Variants in NRG2 observed in about 807,000 individuals in gnomAD.
NRG2 encodes pro-neuregulin-2, membrane-bound isoform.
In NRG2, 27 loss-of-function variants were observed where a neutral mutation model predicts 73.9. That is an observed-to-expected ratio of 0.37 (90% CI 0.27 to 0.50). The LOEUF (loss-of-function observed/expected upper bound fraction) is 0.50. NRG2 is among the 20% of genes least tolerant of loss of function. The pLI is 0.96. For missense variants in NRG2, 1,126 were observed against 1,210.1 expected (o/e 0.93, Z 1.03); for synonymous variants, 532 against 541.0 (o/e 0.98, Z 0.23).
At chr5:139,948,665 G>C (rs1244089996) in intron 1 of NRG2, among the ~76,000 whole-genome samples, 1 of 152,204 alleles carries the variant, frequency 6.6e-6, no homozygotes, top group Non-Finnish European at 1.5e-5. Context: ...GGAAGTTGTT[G>C]AATGGTTTTA....
chr5:139,957,700 A>G (rs1325838956), intron 1 of NRG2, among the ~76,000 whole-genome samples: 1 of 152,214 alleles, frequency 6.6e-6, no homozygotes, highest in Admixed American at 6.5e-5. Context: ...ACGTGCAGGT[A>G]TCAGATCGAG....
intron 1 of NRG2, among the ~76,000 whole-genome samples, chr5:139,940,522 T>G (rs1303697939): frequency 6.6e-6 from 1 of 152,194 alleles, no homozygotes. Context: ...TTAAAATTGG[T>G]GAAATTTATT....
rs1762421183 is a variant in NRG2 at position 139,865,422 on chromosome 5, G to C, written c.1189+127C>G. 1 of 771,994 alleles carries C rather than the reference G, an allele frequency of 1.3e-6. No individual in the cohort carries two copies. Among genetic ancestry groups the C allele is most frequent in the Non-Finnish European group, 2.2e-6 (1 of 456,392 alleles). 47.8% of individuals were successfully genotyped at this position (771,994 alleles called of 1,614,324 possible). A position where few individuals can be genotyped will look rare whatever the true frequency, so the allele number is the denominator to read the frequency against. On this transcript the variant is annotated intron_variant, in intron 5 of 9. Coordinates refer to ENST00000361474, the MANE Select transcript of NRG2 (RefSeq NM_004883.3). The surrounding 1 kb of genome is among the most constrained non-coding windows in gnomAD (Gnocchi z 5.2). Reference sequence around the variant, plus strand: ...ACAAACCAAAATACAAAAAAGAAAAGAGAAACAAAACAAAACAGCCAAAGA... The same window carrying C: ...ACAAACCAAAATACAAAAAAGAAAACAGAAACAAAACAAAACAGCCAAAGA...
intron 1 of NRG2, among the ~76,000 whole-genome samples, chr5:139,984,571 T>A (rs1261355265): frequency 6.6e-6 from 1 of 152,192 alleles, no homozygotes; most frequent in Non-Finnish European, 1.5e-5. Flanking sequence ...TGCAAATAAT[T>A]CTTCCTTTTT....
intron 9 of NRG2, 78 bp from the exon 10 acceptor site, chr5:139,848,775 G>GGGGGGGGGGGTT: frequency 1.7e-6 from 1 of 601,720 alleles, no homozygotes; most frequent in Non-Finnish European, 2.4e-6. Context: ...GTGGGGTAGG[G>GGGGGGGGGGGTT]TGGGAGGGGC....
Position 139,848,229 on chromosome 5 carries a change from G to A in NRG2, c.2241C>T (p.Arg747=). 8.5e-7 allele frequency: 1 copy of A among 1,170,978 alleles called. No homozygotes were observed. The highest frequency in any genetic ancestry group is 1.1e-6 in the Non-Finnish European group (1 of 950,492). 72.5% of individuals were successfully genotyped at this position (1,170,978 alleles called of 1,614,324 possible). A position where few individuals can be genotyped will look rare whatever the true frequency, so the allele number is the denominator to read the frequency against. ...SAGPRRWRRS[R]LNGLAAQRAR... Reference sequence around the variant, plus strand: ...CGCGCTGCGCCGCCAGCCCGTTGAGGCGCGAGCGGCGCCAGCGCCGGGGCC... The same window carrying A: ...CGCGCTGCGCCGCCAGCCCGTTGAGACGCGAGCGGCGCCAGCGCCGGGGCC... The change falls in exon 10 of 10, where the codon CGC becomes CGT. Residue 747 remains arginine (R), a synonymous_variant. Coordinates refer to ENST00000361474, the MANE Select transcript of NRG2 (RefSeq NM_004883.3).
chr5:140,032,495 T>C (rs1263541566), intron 1 of NRG2, among the ~76,000 whole-genome samples: 1 of 152,218 alleles, frequency 6.6e-6, no homozygotes, highest in African/African-American at 2.4e-5. Flanking sequence ...CTTTCCATGG[T>C]TGTCCCTTAG....
chr5:139,891,225 T>C (rs1764193775), intron 1 of NRG2, among the ~76,000 whole-genome samples: 1 of 152,202 alleles, frequency 6.6e-6, no homozygotes, highest in African/African-American at 2.4e-5. Context: ...ACTGAGCCTG[T>C]GGCCACTGCT....
chr5:139,923,055 T>C (rs572779416), intron 1 of NRG2, among the ~76,000 whole-genome samples: 1 of 152,178 alleles, frequency 6.6e-6, no homozygotes, highest in South Asian at 2.1e-4. Context: ...TCCAAACCCA[T>C]AGAATGTACA....
chr5:139,960,257 G>A (rs541776009), intron 1 of NRG2, among the ~76,000 whole-genome samples: 16 of 152,338 alleles, frequency 1.1e-4, no homozygotes, highest in Admixed American at 9.8e-4. Context: ...GCTCATGCCT[G>A]TAATCCTAGC....
intron 1 of NRG2, among the ~76,000 whole-genome samples, chr5:140,000,040 T>C (rs1758315678): frequency 6.6e-6 from 1 of 152,212 alleles, no homozygotes. Context: ...TGTGTAATAC[T>C]CTTAGGTTTT....
rs146997935 is a variant in NRG2, at chr5:140,023,750, T to A, written c.700+18620A>T. 5.3e-5 allele frequency among the ~76,000 whole-genome samples: 8 copies of A among 152,336 alleles called. No individual in the cohort carries two copies. The East Asian group carries it at 1.4e-3, about 26-fold the overall frequency. On this transcript the variant is annotated intron_variant, in intron 1 of 9. Transcript: ENST00000361474. ...GCACACCCATCTAGCTGATCCTATA[T>A]GCTGTGATCACAGATGGTGTGGAAA...
chr5:139,848,931 A>G (rs1761224610), intron 9 of NRG2, among the ~76,000 whole-genome samples: 2 of 152,190 alleles, frequency 1.3e-5, no homozygotes, highest in South Asian at 2.1e-4. Context: ...TGTTGATTCC[A>G]TAGCTCTGTT....
chr5:139,873,801 G>T (rs1300186626), intron 3 of NRG2, among the ~76,000 whole-genome samples: 1 of 152,218 alleles, frequency 6.6e-6, no homozygotes, highest in Non-Finnish European at 1.5e-5. Context: ...TGCTGGGTTG[G>T]CCGGGGCCAC....
Position 139,847,878 on chromosome 5 carries a change from T to G in NRG2, c.*39A>C, listed in dbSNP as rs929767491. 7.5e-7 allele frequency: 1 copy of G among 1,336,922 alleles called. No homozygotes were observed. The highest frequency in any genetic ancestry group is 9.7e-7 in the Non-Finnish European group (1 of 1,035,528). 82.8% of individuals were successfully genotyped at this position (1,336,922 alleles called of 1,614,324 possible). ...AGGCGGTCTCTGGTCTCCTTAAAGATAGTGGGGCGGGCGGGGCGGAGGGGC... is the reference window on the plus strand; with the variant it reads ...AGGCGGTCTCTGGTCTCCTTAAAGAGAGTGGGGCGGGCGGGGCGGAGGGGC... On this transcript the variant is annotated 3_prime_UTR_variant, in exon 10 of 10. Transcript: ENST00000361474.
In NRG2 at chr5:139,940,087, C is replaced by A. The variant is rs182045369; in HGVS notation, c.701-52576G>T. ...ATATTAAACATAGATCTTCCTTCAA[C>A]CCTGCCATGCTAGGTATTCATCCAA... On this transcript the variant is annotated intron_variant, in intron 1 of 9. Transcript: ENST00000361474. 9.8e-4 allele frequency among the ~76,000 whole-genome samples: 150 copies of A among 152,312 alleles called. 1 individual carries two copies. Among genetic ancestry groups the A allele is most frequent in the African/African-American group, 3.5e-3 (144 of 41,576 alleles).
intron 1 of NRG2, among the ~76,000 whole-genome samples, chr5:139,977,241 A>G (rs946692360): frequency 1.1e-4 from 17 of 152,306 alleles, no homozygotes; most frequent in African/African-American, 4.1e-4. Context: ...TGTAAACCTA[A>G]AAGTTCTAAA....
At chr5:139,884,608 TACAA>T (rs1763744682) in intron 2 of NRG2, among the ~76,000 whole-genome samples, 2 of 152,186 alleles carry the variant, frequency 1.3e-5, no homozygotes, top group South Asian at 4.1e-4. Flanking sequence ...CCTCTAGAAT[TACAA>T]ACAAACTGGG....
At chr5:139,911,957 A>G (rs1299398530) in intron 1 of NRG2, among the ~76,000 whole-genome samples, 3 of 152,142 alleles carry the variant, frequency 2.0e-5, no homozygotes, top group Non-Finnish European at 2.9e-5. Flanking sequence ...GCTACTATCT[A>G]TACCACCCTG....
Sources: gnomAD v4.1 joint callset for allele counts (sites outside exome capture counted in the v4.1 genomes callset) on GRCh38, gnomAD v4.1.1 for gene constraint, Gnocchi (gnomAD v3.1) non-coding constraint, MANE v1.5 for transcripts, NCBI Gene and HGNC (gene_info 2026-07-23, HGNC 2026-07-21) for gene names.